The following CNTNAP2 variants were observed in gnomAD, a reference collection of about 807,000 sequenced individuals.
CNTNAP2 encodes contactin-associated protein-like 2.
Under a neutral mutation model 155.2 loss-of-function variants are expected in CNTNAP2, and 98 were observed. The ratio of observed to expected loss-of-function variants is 0.63; its 90% confidence interval spans 0.54 to 0.75. The LOEUF (loss-of-function observed/expected upper bound fraction) is 0.75. Among genes scored for constraint, CNTNAP2 ranks in the 30% least tolerant of loss-of-function variants. The pLI, the probability that CNTNAP2 is intolerant of heterozygous loss-of-function variation, is 0.00. For synonymous variants in CNTNAP2, 651 were observed against 631.2 expected (o/e 1.03, Z -0.47); for missense variants, 1,727 against 1,688.1 (o/e 1.02, Z -0.40).
intron 1 of CNTNAP2, among the ~76,000 whole-genome samples, chr7:146,391,975 G>A (rs1444392597): frequency 6.6e-6 from 1 of 151,886 alleles, no homozygotes; most frequent in South Asian, 2.1e-4. Context: ...TTGTACCCCC[G>A]AACTTAAAAT....
At chr7:146,793,483 G>C (rs907590137) in intron 2 of CNTNAP2, among the ~76,000 whole-genome samples, 8 of 152,186 alleles carry the variant, frequency 5.3e-5, no homozygotes, top group Non-Finnish European at 8.8e-5. Flanking sequence ...TCTTTGGGGA[G>C]AGTCAGAATT....
chr7:146,568,662 T>G (rs957773841), intron 1 of CNTNAP2, among the ~76,000 whole-genome samples: 1 of 152,176 alleles, frequency 6.6e-6, no homozygotes, highest in South Asian at 2.1e-4. Context: ...TCTGTACCTC[T>G]TCCTCAGGAG....
At chr7:146,149,997 A>T (rs530759458) in intron 1 of CNTNAP2, among the ~76,000 whole-genome samples, 1 of 152,074 alleles carries the variant, frequency 6.6e-6, no homozygotes, top group Non-Finnish European at 1.5e-5. Flanking sequence ...AAGCTAAGCT[A>T]TGGGAGAAAA....
chr7:146,321,664 G>A lies in CNTNAP2; in HGVS notation c.97+204691G>A, dbSNP rs115219141. ...GTGTGATTTTGCTCCAGAATAAAGC[G>A]ACATAGCTCTAAGTCAGGACATACC... is the stretch of plus-strand genomic sequence containing the variant. On this transcript the variant is annotated intron_variant, in intron 1 of 23. Transcript: ENST00000361727. Among the ~76,000 whole-genome samples, 318 of 152,274 alleles carry A rather than the reference G, an allele frequency of 2.1e-3. 1 individual carries two copies. Among genetic ancestry groups the A allele is most frequent in the Middle Eastern group, 6.8e-3 (2 of 294 alleles).
chr7:147,550,978 A>G (rs1335827008), intron 11 of CNTNAP2, among the ~76,000 whole-genome samples: 1 of 152,182 alleles, frequency 6.6e-6, no homozygotes, highest in East Asian at 1.9e-4. Flanking sequence ...ATTCCCATAG[A>G]ATTTAAATAT....
At chr7:147,432,771 C>G (rs1171002875) in intron 10 of CNTNAP2, among the ~76,000 whole-genome samples, 1 of 152,156 alleles carries the variant, frequency 6.6e-6, no homozygotes, top group Non-Finnish European at 1.5e-5. Context: ...ACTTAACCCC[C>G]CTTCATCCTG....
At chr7:147,551,891 A>G (rs1242427143) in intron 11 of CNTNAP2, among the ~76,000 whole-genome samples, 1 of 152,218 alleles carries the variant, frequency 6.6e-6, no homozygotes, top group Non-Finnish European at 1.5e-5. Context: ...AATAATGGAC[A>G]AGAAATTATA....
chr7:146,703,436 A>G (rs537438942), intron 1 of CNTNAP2, among the ~76,000 whole-genome samples: 6 of 152,274 alleles, frequency 3.9e-5, no homozygotes, highest in African/African-American at 1.4e-4. Context: ...CAAACATCAG[A>G]ATATTAATTA....
chr7:147,559,105 G>T (rs1415463870), intron 11 of CNTNAP2, among the ~76,000 whole-genome samples: 1 of 152,000 alleles, frequency 6.6e-6, no homozygotes, highest in African/African-American at 2.4e-5. Context: ...CCAACTCCTG[G>T]CTCCAAGCAT....
At chr7:147,039,742 A>C (rs373871366) in intron 3 of CNTNAP2, among the ~76,000 whole-genome samples, 57 of 152,312 alleles carry the variant, frequency 3.7e-4, no homozygotes, top group African/African-American at 1.3e-3. Flanking sequence ...TCTTTGAGGA[A>C]TCATCATACT....
At chr7:148,110,209 G>C (rs1261544154) in intron 15 of CNTNAP2, among the ~76,000 whole-genome samples, 1 of 151,984 alleles carries the variant, frequency 6.6e-6, no homozygotes, top group Non-Finnish European at 1.5e-5. Flanking sequence ...AGTTGTTATG[G>C]AGGCCTGCAT....
chr7:146,695,369 A>T (rs1800764992), intron 1 of CNTNAP2, among the ~76,000 whole-genome samples: 1 of 152,070 alleles, frequency 6.6e-6, no homozygotes, highest in Non-Finnish European at 1.5e-5. Context: ...TCCTTAGCCT[A>T]TTGTGATAAA....
intron 3 of CNTNAP2, among the ~76,000 whole-genome samples, chr7:146,857,241 T>C (rs957653147): frequency 2.6e-5 from 4 of 151,568 alleles, no homozygotes; most frequent in African/African-American, 9.7e-5. Flanking sequence ...GAGAGAATGA[T>C]AAACCACATA....
At chr7:148,134,400 A>C (rs1804895022) in intron 16 of CNTNAP2, among the ~76,000 whole-genome samples, 1 of 152,180 alleles carries the variant, frequency 6.6e-6, no homozygotes, top group Non-Finnish European at 1.5e-5. Context: ...TAAACATCAG[A>C]ACATGCTGGC....
chr7:146,561,918 G>A (rs890590386), intron 1 of CNTNAP2, among the ~76,000 whole-genome samples: 2 of 151,956 alleles, frequency 1.3e-5, no homozygotes, highest in African/African-American at 4.8e-5. Flanking sequence ...AGCCTCCTGA[G>A]TAGCTGGAAC....
In CNTNAP2 at chr7:146,635,653, T is replaced by A. The variant is rs185540138; in HGVS notation, c.98-138618T>A. Among the ~76,000 whole-genome samples the A allele has an allele frequency of 1.6e-3, 245 of 152,296 alleles. 3 individuals are homozygous for A. The highest frequency in any genetic ancestry group is 3.4e-4 in the Non-Finnish European group (23 of 68,016). ...GGGTAGACTGTAAGAGGCTTTTGTC[T>A]GTTCCACTCACAGCAAAGCCCGTAT... On this transcript the variant is annotated intron_variant, in intron 1 of 23. Coordinates refer to ENST00000361727, the MANE Select transcript of CNTNAP2 (RefSeq NM_014141.6).
chr7:148,326,864 CAA>C (rs200129283), intron 21 of CNTNAP2, among the ~76,000 whole-genome samples: 33 of 129,026 alleles, frequency 2.6e-4, no homozygotes, highest in East Asian at 6.4e-4. Context: ...GACCCCGTCT[CAA>C]AAAAAAAAAA....
intron 8 of CNTNAP2, among the ~76,000 whole-genome samples, chr7:147,230,120 G>A (rs763416589): frequency 1.3e-5 from 2 of 152,014 alleles, no homozygotes; most frequent in Non-Finnish European, 1.5e-5. Context: ...TGAAGAACAC[G>A]CTTTTGAAGA....
intron 9 of CNTNAP2, among the ~76,000 whole-genome samples, chr7:147,349,654 ACTCTT>A (rs943924250): frequency 4.0e-5 from 6 of 151,694 alleles, no homozygotes; most frequent in African/African-American, 1.5e-4. Context: ...GATTATAAGA[ACTCTT>A]CTCATTTGTC....
Sources: gnomAD v4.1 joint callset for allele counts (sites outside exome capture counted in the v4.1 genomes callset) on GRCh38, gnomAD v4.1.1 for gene constraint, MANE v1.5 for transcripts, NCBI Gene and HGNC (gene_info 2026-07-23, HGNC 2026-07-21) for gene names.